The following PRKCB variants were observed in gnomAD, a reference collection of about 807,000 sequenced individuals.
The protein encoded by PRKCB is protein kinase C beta type.
A neutral mutation model predicts 81.5 loss-of-function variants in PRKCB; 13 were observed. The observed-to-expected ratio is 0.16, with a 90% CI of 0.10 to 0.25. PRKCB has a LOEUF of 0.25. Ranked by LOEUF, PRKCB falls within the 10% of genes least tolerant of loss-of-function variation. The pLI is 1.00. For missense variants in PRKCB, 509 were observed against 875.7 expected (o/e 0.58, Z 5.29); for synonymous variants, 335 against 321.4 (o/e 1.04, Z -0.45).
intron 9 of PRKCB, chr16:24,151,803 G>A (rs1260806262): frequency 8.8e-6 from 4 of 455,894 alleles, no homozygotes; most frequent in Non-Finnish European, 1.8e-5. Context: ...ACAGTCATTA[G>A]CTGAAGCAAG....
chr16:24,063,575 G>A (rs192256531), intron 5 of PRKCB, among the ~76,000 whole-genome samples: 181 of 152,248 alleles, frequency 1.2e-3, no homozygotes, highest in African/African-American at 4.2e-3. Flanking sequence ...GATTACAGGC[G>A]TGAGTCACCA....
In PRKCB at chr16:23,845,059, C is replaced by T. The variant is rs867683313; in HGVS notation, c.205+7653C>T. Among the ~76,000 whole-genome samples, 4 of 152,332 alleles carry T rather than the reference C, an allele frequency of 2.6e-5. No homozygotes were observed. The South Asian group carries it at 8.3e-4, about 32-fold the overall frequency. On this transcript the variant is annotated intron_variant, in intron 2 of 16. Transcript: ENST00000643927. ...TCAAGTGATCTGCCCACCTCAACCT[C>T]CCAAAGTGCTGGGATTACAGGAGTG...
intron 2 of PRKCB, among the ~76,000 whole-genome samples, chr16:23,961,788 C>T (rs887861725): frequency 6.6e-6 from 1 of 152,110 alleles, no homozygotes; most frequent in Non-Finnish European, 1.5e-5. Context: ...CAAAATGCTC[C>T]AATGAGCCTT....
At chr16:24,179,115 G>A (rs1052451428) in intron 12 of PRKCB, among the ~76,000 whole-genome samples, 1 of 152,152 alleles carries the variant, frequency 6.6e-6, no homozygotes, top group Non-Finnish European at 1.5e-5. Flanking sequence ...TCCCTTTCCT[G>A]ATTATGCCAG....
intron 2 of PRKCB, among the ~76,000 whole-genome samples, chr16:23,856,963 G>T (rs1022908778): frequency 6.6e-6 from 1 of 152,088 alleles, no homozygotes; most frequent in Non-Finnish European, 1.5e-5. Context: ...GGCTCTGGGG[G>T]CTCATGAACT....
intron 9 of PRKCB, among the ~76,000 whole-genome samples, chr16:24,136,271 C>T (rs1966864539): frequency 1.3e-5 from 2 of 152,042 alleles, no homozygotes; most frequent in African/African-American, 4.8e-5. Context: ...TCATTTTTCT[C>T]AAGAAAATAA....
chr16:24,064,751 T>C (rs1966011734), intron 5 of PRKCB, among the ~76,000 whole-genome samples: 1 of 152,056 alleles, frequency 6.6e-6, no homozygotes, highest in Non-Finnish European at 1.5e-5. Context: ...GAAGCAATGT[T>C]ATTATTATAA....
At chr16:24,067,746 C>T (rs1475398210) in intron 5 of PRKCB, among the ~76,000 whole-genome samples, 3 of 152,078 alleles carry the variant, frequency 2.0e-5, no homozygotes, top group African/African-American at 7.2e-5. Flanking sequence ...GTGGGTGGAT[C>T]ATCTGAGATC....
Position 23,882,021 on chromosome 16 carries a change from T to TTCTTTCTTTCTTTCTTC in PRKCB, c.205+44615_205+44616insTCTTTCTTTCTTTCTTC, listed in dbSNP as rs1555481692. Among the ~76,000 whole-genome samples, 472 of 55,622 alleles carry TTCTTTCTTTCTTTCTTC rather than the reference T, an allele frequency of 8.5e-3. 32 individuals are homozygous for TTCTTTCTTTCTTTCTTC. The highest frequency in any genetic ancestry group is 0.021 in the African/African-American group (347 of 16,900). The allele number at this position is 55,622 out of a possible 152,430, so 36.5% of individuals were successfully genotyped here. A position where few individuals can be genotyped will look rare whatever the true frequency, so the allele number is the denominator to read the frequency against. Reference sequence around the variant, plus strand: ...TTCTTTCTTTCTTTCTTTCTTTCTTTCTTCCTTCCTTCCTTCCTTCCTTCC... The same window carrying TTCTTTCTTTCTTTCTTC: ...TTCTTTCTTTCTTTCTTTCTTTCTTTTCTTTCTTTCTTTCTTCCTTCCTTCCTTCCTTCCTTCCTTCC... On this transcript the variant is annotated intron_variant, in intron 2 of 16. Transcript: ENST00000643927.
At position 24,217,452 on chromosome 16, in the gene PRKCB, C is replaced by T; in HGVS notation, c.*2636C>T. 1 of 985,432 alleles carries T rather than the reference C, an allele frequency of 1.0e-6. No homozygotes were observed. Among genetic ancestry groups the T allele is most frequent in the Non-Finnish European group, 1.2e-6 (1 of 829,932 alleles). 61.0% of individuals were successfully genotyped at this position (985,432 alleles called of 1,614,324 possible). On this transcript the variant is annotated 3_prime_UTR_variant, in exon 17 of 17. Coordinates refer to ENST00000643927, the MANE Select transcript of PRKCB (RefSeq NM_002738.7). ...TGGGAGGTCAGTAGAATTAATAACC[C>T]TCCTTGGATGAGTGCTACTGTTTTC...
intron 2 of PRKCB, among the ~76,000 whole-genome samples, chr16:23,869,987 A>T (rs113239278): frequency 6.6e-6 from 1 of 150,742 alleles, no homozygotes; most frequent in Non-Finnish European, 1.5e-5. Flanking sequence ...GCGCCATTGC[A>T]CTCTAGCCTG....
At chr16:24,047,390 A>T (rs540345476) in intron 5 of PRKCB, among the ~76,000 whole-genome samples, 1 of 152,082 alleles carries the variant, frequency 6.6e-6, no homozygotes, top group East Asian at 1.9e-4. Context: ...AATTAGCTGG[A>T]CATGGAGGCA....
At chr16:23,899,808 AATTTATTTATTT>A (rs200198656) in intron 2 of PRKCB, among the ~76,000 whole-genome samples, 8,604 of 38,302 alleles carry the variant, frequency 0.22, 2,747 homozygotes, top group African/African-American at 0.45. Context: ...CAGCAAATAA[AATTTATTTATTT>A]ATTTATTTAT....
At chr16:24,132,774 T>G (rs914117315) in intron 9 of PRKCB, among the ~76,000 whole-genome samples, 21 of 112,538 alleles carry the variant, frequency 1.9e-4, no homozygotes, top group Non-Finnish European at 3.8e-4. Context: ...TTTGGGGCTT[T>G]TTTTTTTTTT....
At position 24,109,472 on chromosome 16, in the gene PRKCB, C is replaced by T. The variant is rs1241699175; in HGVS notation, c.822-3501C>T. Among the ~76,000 whole-genome samples, 15 of 103,364 alleles carry T rather than the reference C, an allele frequency of 1.5e-4. 1 individual carries two copies. Among genetic ancestry groups the T allele is most frequent in the South Asian group, 3.3e-4 (1 of 3,052 alleles). The allele number at this position is 103,364 out of a possible 152,430, so 67.8% of individuals were successfully genotyped here. On this transcript the variant is annotated intron_variant, in intron 7 of 16. Transcript: ENST00000643927. ...GGTGCTCCTCACATCCCAGACGGGG[C>T]GGCGGGGCAGAGGCGCTCCCCACAT...
intron 2 of PRKCB, among the ~76,000 whole-genome samples, chr16:23,903,274 TGTG>T (rs1963511192): frequency 1.3e-5 from 2 of 151,988 alleles, no homozygotes; most frequent in Non-Finnish European, 2.9e-5. Flanking sequence ...TGTGTGTGTG[TGTG>T]TGTGTGTGCA....
At chr16:23,866,791 C>T (rs1026512186) in intron 2 of PRKCB, among the ~76,000 whole-genome samples, 60 of 152,210 alleles carry the variant, frequency 3.9e-4, no homozygotes, top group African/African-American at 1.4e-3. Context: ...ATACTCCCAC[C>T]AGCAGTGTGT....
chr16:23,915,005 C>T (rs933231169), intron 2 of PRKCB, among the ~76,000 whole-genome samples: 4 of 152,208 alleles, frequency 2.6e-5, no homozygotes, highest in African/African-American at 4.8e-5. Flanking sequence ...TGTGAAGCCC[C>T]TCTGGGCAGC....
At chr16:23,900,387 T>A (rs1963451223) in intron 2 of PRKCB, among the ~76,000 whole-genome samples, 1 of 152,256 alleles carries the variant, frequency 6.6e-6, no homozygotes, top group African/African-American at 2.4e-5. Context: ...TAGGTATTTT[T>A]ACCTCTGTAT....
Sources: allele counts gnomAD v4.1 joint callset (sites outside exome capture counted in the v4.1 genomes callset), GRCh38; gene constraint gnomAD v4.1.1; transcripts MANE v1.5; gene names NCBI Gene and HGNC (gene_info 2026-07-23, HGNC 2026-07-21).